The following AGBL4 variants were observed in gnomAD, a reference collection of about 807,000 sequenced individuals.
AGBL4 encodes AGBL carboxypeptidase 4, also known as cytosolic carboxypeptidase 6.
AGBL4 carries 58 observed loss-of-function variants against 66.4 expected under a neutral mutation model. The observed-to-expected ratio is 0.87, with a 90% CI of 0.71 to 1.09. The LOEUF (loss-of-function observed/expected upper bound fraction) is 1.09, where lower values mean the gene tolerates loss of function less well. Ranked by LOEUF, AGBL4 falls within the 50% of genes least tolerant of loss-of-function variation. The pLI, the probability that AGBL4 is intolerant of heterozygous loss-of-function variation, is 0.00. For missense variants in AGBL4, 579 were observed against 631.0 expected, an observed-to-expected ratio of 0.92 and a Z score of 0.88; for synonymous variants, 234 against 222.9, an observed-to-expected ratio of 1.05 and a Z score of -0.44.
At chr1:49,040,298 T>C (rs548762634) in intron 5 of AGBL4, among the ~76,000 whole-genome samples, 30 of 152,162 alleles carry the variant, frequency 2.0e-4, no homozygotes, top group Non-Finnish European at 3.5e-4. Context: ...AAGGCTATAA[T>C]AAAAATTACA....
chr1:49,873,940 C>CA (rs1313163480), intron 1 of AGBL4, among the ~76,000 whole-genome samples: 1 of 151,830 alleles, frequency 6.6e-6, no homozygotes, highest in Non-Finnish European at 1.5e-5. Flanking sequence ...AATACAATTT[C>CA]AAAAAACAAG....
Position 49,050,770 on chromosome 1 carries a change from CTA to C in AGBL4, c.378-4972_378-4971del, listed in dbSNP as rs371974777. 3.0e-4 allele frequency among the ~76,000 whole-genome samples: 45 copies of C among 152,222 alleles called. 1 individual carries two copies. The highest frequency in any genetic ancestry group is 1.0e-3 in the African/African-American group (43 of 41,562). The stretch of plus-strand genomic sequence containing the variant: ...ACAACTTCAGGATGAATTAACTGCT[CTA>C]AATACTAATTGCAGACACTGCTGTT... On this transcript the variant is annotated intron_variant, in intron 4 of 13. Transcript: ENST00000371839.
intron 3 of AGBL4, among the ~76,000 whole-genome samples, chr1:49,288,129 C>G (rs1179300463): frequency 1.4e-5 from 2 of 143,158 alleles, no homozygotes; most frequent in African/African-American, 5.2e-5. Flanking sequence ...AAACCAAACA[C>G]CACATATTCT....
chr1:49,539,121 T>C (rs1651819730), intron 3 of AGBL4, among the ~76,000 whole-genome samples: 1 of 152,172 alleles, frequency 6.6e-6, no homozygotes, highest in South Asian at 2.1e-4. Context: ...ATGTAGTATA[T>C]TTATTGATAT....
At chr1:48,673,051 T>A (rs941023135) in intron 6 of AGBL4, among the ~76,000 whole-genome samples, 1 of 152,190 alleles carries the variant, frequency 6.6e-6, no homozygotes, top group South Asian at 2.1e-4. Context: ...TTGAACCTTC[T>A]CTATCTCAGG....
chr1:49,887,959 T>C (rs549124711), intron 1 of AGBL4, among the ~76,000 whole-genome samples: 150 of 152,222 alleles, frequency 9.9e-4, no homozygotes, highest in African/African-American at 3.3e-3. Context: ...CTGGGAAAAA[T>C]TGATCACTCA....
intron 2 of AGBL4, among the ~76,000 whole-genome samples, chr1:49,816,556 C>G (rs1039543439): frequency 6.6e-6 from 1 of 152,100 alleles, no homozygotes; most frequent in African/African-American, 2.4e-5. Flanking sequence ...AGATTCATAT[C>G]TAGAGGGCAA....
At chr1:49,539,404 C>A (rs1304600829) in intron 3 of AGBL4, among the ~76,000 whole-genome samples, 1 of 152,120 alleles carries the variant, frequency 6.6e-6, no homozygotes, top group Non-Finnish European at 1.5e-5. Context: ...TCAGCATATG[C>A]AAGTTTTGTT....
At position 48,689,336 on chromosome 1, in the gene AGBL4, A is replaced by C. The variant is rs777801568; in HGVS notation, c.635-26095T>G. Among the ~76,000 whole-genome samples, 5 of 152,124 alleles carry C rather than the reference A, an allele frequency of 3.3e-5. No individual in the cohort carries two copies. The South Asian group carries it at 6.2e-4, about 19-fold the overall frequency. On this transcript the variant is annotated intron_variant, in intron 6 of 13. Transcript: ENST00000371839. The stretch of plus-strand genomic sequence containing the variant: ...GACTGGGCCCAGACAGCTGCAACAC[A>C]AGCCAGACAGTGAGGAGGCTGCATT...
chr1:49,895,774 C>T (rs1649135136), intron 1 of AGBL4, among the ~76,000 whole-genome samples: 1 of 151,542 alleles, frequency 6.6e-6, no homozygotes, highest in Non-Finnish European at 1.5e-5. Flanking sequence ...GAGAGAATCA[C>T]CTTCATGAAA....
At chr1:49,804,035 G>A (rs1644922085) in intron 2 of AGBL4, among the ~76,000 whole-genome samples, 1 of 152,164 alleles carries the variant, frequency 6.6e-6, no homozygotes, top group Non-Finnish European at 1.5e-5. Flanking sequence ...AAAATACAGT[G>A]TTGATGAACC....
intron 3 of AGBL4, among the ~76,000 whole-genome samples, chr1:49,342,442 C>T (rs1454934356): frequency 6.6e-6 from 1 of 152,148 alleles, no homozygotes; most frequent in Non-Finnish European, 1.5e-5. Flanking sequence ...GAAACAAAAA[C>T]TGATGAAGTT....
At chr1:48,829,506 T>A (rs1024945119) in intron 6 of AGBL4, among the ~76,000 whole-genome samples, 2 of 152,162 alleles carry the variant, frequency 1.3e-5, no homozygotes, top group Non-Finnish European at 2.9e-5. Context: ...CATTTTATAA[T>A]CATGCCATTG....
At chr1:49,737,324 C>T (rs779469207) in intron 2 of AGBL4, among the ~76,000 whole-genome samples, 6 of 152,092 alleles carry the variant, frequency 3.9e-5, no homozygotes, top group Admixed American at 1.3e-4. Context: ...AAATGCGGTA[C>T]ATATATACCA....
chr1:48,691,602 T>TGAG (rs1226683527), intron 6 of AGBL4, among the ~76,000 whole-genome samples: 2 of 152,094 alleles, frequency 1.3e-5, no homozygotes, highest in Non-Finnish European at 2.9e-5. Context: ...TGGAGACCTC[T>TGAG]GAGTATCTCC....
chr1:49,249,573 A>G (rs1184367213), intron 3 of AGBL4, among the ~76,000 whole-genome samples: 1 of 152,190 alleles, frequency 6.6e-6, no homozygotes, highest in East Asian at 1.9e-4. Flanking sequence ...AAAATAAAAT[A>G]TGTTGGTGAG....
At chr1:48,811,813 G>A (rs1171135739) in intron 6 of AGBL4, among the ~76,000 whole-genome samples, 1 of 152,120 alleles carries the variant, frequency 6.6e-6, no homozygotes, top group Admixed American at 6.6e-5. Flanking sequence ...CGGAGTGGGT[G>A]GGATCTGATT....
chr1:48,750,590 C>T (rs919353630), intron 6 of AGBL4, among the ~76,000 whole-genome samples: 1 of 152,218 alleles, frequency 6.6e-6, no homozygotes, highest in Non-Finnish European at 1.5e-5. Flanking sequence ...ACTGTGACTT[C>T]TTTAAGGTGG....
At chr1:49,540,914 G>A (rs115707981) in intron 3 of AGBL4, among the ~76,000 whole-genome samples, 2,551 of 152,004 alleles carry the variant, frequency 0.017, 71 homozygotes, top group African/African-American at 0.058. Flanking sequence ...TAGTGAAGGC[G>A]GTCCAAGTTT....
Sources: allele counts gnomAD v4.1 joint callset (sites outside exome capture counted in the v4.1 genomes callset), GRCh38; gene constraint gnomAD v4.1.1; transcripts MANE v1.5; gene names NCBI Gene and HGNC (gene_info 2026-07-23, HGNC 2026-07-21).